The following DOK5 variants were observed in gnomAD, a reference collection of about 807,000 sequenced individuals.
DOK5 encodes downstream of tyrosine kinase 5.
DOK5 carries 27 observed loss-of-function variants against 43.3 expected under a neutral mutation model. The observed-to-expected ratio is 0.62, with a 90% confidence interval of 0.46 to 0.86. The LOEUF is 0.86. Ranked by LOEUF, DOK5 falls within the 40% of genes least tolerant of loss-of-function variation. The pLI is 0.00. For missense variants in DOK5, 373 were observed against 392.9 expected (o/e 0.95, Z 0.43); for synonymous variants, 146 against 140.1 (o/e 1.04, Z -0.30).
chr20:54,556,115 A>G (rs926003220), intron 2 of DOK5, among the ~76,000 whole-genome samples: 11 of 152,202 alleles, frequency 7.2e-5, no homozygotes, highest in African/African-American at 2.7e-4. Context: ...TATGTACATA[A>G]GGGAAGAATA....
At chr20:54,494,352 G>A (rs1044008593) in intron 1 of DOK5, among the ~76,000 whole-genome samples, 9 of 152,212 alleles carry the variant, frequency 5.9e-5, no homozygotes, top group Admixed American at 3.3e-4. Flanking sequence ...TTCCTATTGG[G>A]TTTGACATTT....
chr20:54,516,217 G>A (rs1277930109), intron 1 of DOK5, among the ~76,000 whole-genome samples: 8 of 152,096 alleles, frequency 5.3e-5, no homozygotes, highest in Non-Finnish European at 1.0e-4. Context: ...AATATGCATA[G>A]GGAGAAATCA....
intron 1 of DOK5, among the ~76,000 whole-genome samples, chr20:54,481,297 G>A (rs1253924747): frequency 6.6e-6 from 1 of 152,056 alleles, no homozygotes; most frequent in Non-Finnish European, 1.5e-5. Flanking sequence ...AGCCTCCTAA[G>A]TAGCTGGGAT....
At chr20:54,580,467 A>G (rs1188275996) in intron 2 of DOK5, among the ~76,000 whole-genome samples, 1 of 151,980 alleles carries the variant, frequency 6.6e-6, no homozygotes, top group Non-Finnish European at 1.5e-5. Flanking sequence ...TCCCATCGAG[A>G]GCACACAAAG....
At chr20:54,540,334 C>T (rs890724101) in intron 1 of DOK5, among the ~76,000 whole-genome samples, 2 of 152,114 alleles carry the variant, frequency 1.3e-5, no homozygotes, top group Admixed American at 6.6e-5. Context: ...GCTCTTTCCT[C>T]ATTGCTTGGG....
In DOK5 at chr20:54,514,253, A is replaced by C. The variant is rs140011034; in HGVS notation, c.66+38241A>C. Among the ~76,000 whole-genome samples, 521 of 152,258 alleles carry C rather than the reference A, an allele frequency of 3.4e-3. 4 individuals are homozygous for C. The highest frequency in any genetic ancestry group is 0.012 in the African/African-American group (486 of 41,558). ...CTTGACATTTTTCTCCTCTTTCATT[A>C]TTCTGAATAATTCTGCAAAGCCCTC... On this transcript the variant is annotated intron_variant, in intron 1 of 7. Transcript: ENST00000262593.
rs757086577 is a variant in DOK5 at position 54,535,226 on chromosome 20, A to AT, written c.67-19700dup. On this transcript the variant is annotated intron_variant, in intron 1 of 7. Coordinates refer to ENST00000262593, the MANE Select transcript of DOK5 (RefSeq NM_018431.5). The stretch of plus-strand genomic sequence containing the variant: ...TCCTTCCCTTAAATTCTTGGCTTAA[A>AT]TTTTTTTACCACATGACAATTATTC... Among the ~76,000 whole-genome samples the AT allele has an allele frequency of 4.4e-4, 67 of 151,644 alleles. 1 individual carries two copies. Among genetic ancestry groups the AT allele is most frequent in the Admixed American group, 1.2e-3 (18 of 15,242 alleles).
At chr20:54,644,718 A>AAAAAAAAAAAAAC (rs1555839806) in intron 7 of DOK5, among the ~76,000 whole-genome samples, 10 of 142,498 alleles carry the variant, frequency 7.0e-5, no homozygotes, top group African/African-American at 2.9e-4. Context: ...AAAAAAAAAA[A>AAAAAAAAAAAAAC]AAAAAACAAA....
At chr20:54,527,893 C>T (rs986348667) in intron 1 of DOK5, among the ~76,000 whole-genome samples, 4 of 152,122 alleles carry the variant, frequency 2.6e-5, no homozygotes, top group African/African-American at 7.2e-5. Flanking sequence ...ATAGTTGATG[C>T]GATCCTCTTA....
At chr20:54,579,734 C>T (rs921223923) in intron 2 of DOK5, among the ~76,000 whole-genome samples, 1 of 152,024 alleles carries the variant, frequency 6.6e-6, no homozygotes, top group Non-Finnish European at 1.5e-5. Context: ...ACAGAATTTC[C>T]TTCTTTTTTA....
intron 1 of DOK5, among the ~76,000 whole-genome samples, chr20:54,504,439 C>A (rs1272387165): frequency 6.6e-6 from 1 of 152,190 alleles, no homozygotes; most frequent in African/African-American, 2.4e-5. Context: ...AAAGCAAGAT[C>A]TGGAAGTTTT....
At position 54,584,007 on chromosome 20, in the gene DOK5, G is replaced by A. The variant is rs192286518; in HGVS notation, c.175-4476G>A. Among the ~76,000 whole-genome samples, 45 of 151,386 alleles carry A rather than the reference G, an allele frequency of 3.0e-4. No homozygotes were observed. The East Asian group carries it at 5.4e-3, about 18-fold the overall frequency. ...ATACAAAAAAAAAAAAAAATTAGTC[G>A]AGCACGGTGGTGCACACCTATAGTC... On this transcript the variant is annotated intron_variant, in intron 2 of 7. Coordinates refer to ENST00000262593, the MANE Select transcript of DOK5 (RefSeq NM_018431.5).
chr20:54,475,770 T>C lies in DOK5; in HGVS notation c.-177T>C, dbSNP rs887073693. 3.7e-5 allele frequency: 28 copies of C among 757,448 alleles called. No homozygotes were observed. The highest frequency in any genetic ancestry group is 7.1e-5 in the South Asian group (4 of 56,354). 46.9% of individuals were successfully genotyped at this position (757,448 alleles called of 1,614,324 possible). On this transcript the variant is annotated 5_prime_UTR_variant, in exon 1 of 8. Transcript: ENST00000262593. The surrounding 1 kb of genome is among the most constrained non-coding windows in gnomAD (Gnocchi z 4.2). ...GCAAGCCGGCCGCCCACTGTCAGGG[T>C]TGGGGGGACAGAGAAAGTGATGTGC...
intron 6 of DOK5, among the ~76,000 whole-genome samples, chr20:54,629,036 C>A (rs1443042206): frequency 6.6e-6 from 1 of 152,138 alleles, no homozygotes; most frequent in Non-Finnish European, 1.5e-5. Flanking sequence ...TTGAATACTT[C>A]TTTCTAGAGA....
chr20:54,521,127 C>T (rs1983378673), intron 1 of DOK5, among the ~76,000 whole-genome samples: 1 of 152,038 alleles, frequency 6.6e-6, no homozygotes, highest in African/African-American at 2.4e-5. Flanking sequence ...ACCTCTCTCC[C>T]TCATGGCACT....
chr20:54,609,016 A>G (rs1986557959), intron 5 of DOK5, among the ~76,000 whole-genome samples: 1 of 152,198 alleles, frequency 6.6e-6, no homozygotes, highest in Admixed American at 6.5e-5. Flanking sequence ...CATAAAATTC[A>G]TGAAATTTAA....
chr20:54,529,640 G>T lies in DOK5; in HGVS notation c.67-25293G>T, dbSNP rs911734645. ...GTATTTTTAGCATATTTACACTGTT[G>T]TGTAACCATCATCACAATGTAAATT... On this transcript the variant is annotated intron_variant, in intron 1 of 7. Transcript: ENST00000262593. 3.3e-5 allele frequency among the ~76,000 whole-genome samples: 5 copies of T among 151,948 alleles called. No homozygotes were observed. The South Asian group carries it at 8.3e-4, about 25-fold the overall frequency.
intron 5 of DOK5, among the ~76,000 whole-genome samples, chr20:54,594,269 G>A (rs532288490): frequency 6.6e-6 from 1 of 152,306 alleles, no homozygotes; most frequent in Admixed American, 6.5e-5. Flanking sequence ...GCACACACCT[G>A]TGGTCTCAGC....
chr20:54,540,164 C>T (rs1984102198), intron 1 of DOK5, among the ~76,000 whole-genome samples: 1 of 151,458 alleles, frequency 6.6e-6, no homozygotes, highest in Non-Finnish European at 1.5e-5. Flanking sequence ...TTCAACTCTA[C>T]AAAAATACCT....
Sources: allele counts gnomAD v4.1 joint callset (sites outside exome capture counted in the v4.1 genomes callset), GRCh38; gene constraint gnomAD v4.1.1; non-coding constraint Gnocchi (gnomAD v3.1); transcripts MANE v1.5; gene names NCBI Gene and HGNC (gene_info 2026-07-23, HGNC 2026-07-21).